Variants in RANBP2 observed in about 807,000 individuals in gnomAD.
RANBP2 encodes the protein E3 SUMO-protein ligase RanBP2.
In RANBP2, 57 loss-of-function variants were observed where a neutral mutation model predicts 303.6. The ratio of observed to expected loss-of-function variants is 0.19; its 90% CI spans 0.15 to 0.23. RANBP2 has a LOEUF of 0.23. Ranked by LOEUF, RANBP2 falls within the 10% of genes least tolerant of loss-of-function variation. The pLI, the probability that RANBP2 is intolerant of heterozygous loss-of-function variation, is 1.00. For missense variants in RANBP2, 3,138 were observed against 3,780.8 expected (o/e 0.83, Z 4.46); for synonymous variants, 1,167 against 1,301.5 (o/e 0.90, Z 2.23).
At chr2:108,743,851 A>G (rs549767934) in intron 7 of RANBP2, among the ~76,000 whole-genome samples, 2 of 152,184 alleles carry the variant, frequency 1.3e-5, no homozygotes, top group Non-Finnish European at 2.9e-5. Flanking sequence ...ATTAACTACC[A>G]CATATTTCTG....
At chr2:108,957,396 CT>C in the RANBP2 span, among the ~76,000 whole-genome samples, 1 of 152,258 alleles carries the variant, frequency 6.6e-6, no homozygotes, top group Non-Finnish European at 1.5e-5. Flanking sequence ...GTAATGACAT[CT>C]GTTTGGGCAT....
chr2:109,169,503 T>A, the RANBP2 span, among the ~76,000 whole-genome samples: 1 of 152,102 alleles, frequency 6.6e-6, no homozygotes, highest in Non-Finnish European at 1.5e-5. Context: ...ATCTCTGCTC[T>A]GTGCTCTCTT....
At chr2:108,743,670 G>A (rs1696292010) in intron 7 of RANBP2, among the ~76,000 whole-genome samples, 1 of 152,158 alleles carries the variant, frequency 6.6e-6, no homozygotes, top group Non-Finnish European at 1.5e-5. Context: ...GGAGTTTCTT[G>A]GGTGTTCAGA....
chr2:109,372,375 T>A, the RANBP2 span, among the ~76,000 whole-genome samples: 61 of 152,338 alleles, frequency 4.0e-4, no homozygotes, highest in Non-Finnish European at 6.5e-4. Flanking sequence ...CGTGTGTGTC[T>A]GCCATTTGTC....
intron 18 of RANBP2, among the ~76,000 whole-genome samples, chr2:108,759,490 CT>C (rs757251914): frequency 6.6e-6 from 1 of 150,918 alleles, no homozygotes; most frequent in Non-Finnish European, 1.5e-5. Flanking sequence ...TAGTAGTGCC[CT>C]TTTTTTTTCT....
At chr2:108,768,502 C>G (rs1290920115) in intron 20 of RANBP2, 114 bp downstream of exon 20, 6 of 1,573,392 alleles carry the variant, frequency 3.8e-6, no homozygotes, top group Non-Finnish European at 5.1e-6. Flanking sequence ...TTTGTGAACA[C>G]CCCCAAAATA....
the RANBP2 span, among the ~76,000 whole-genome samples, chr2:109,030,022 G>A: frequency 2.0e-5 from 3 of 152,186 alleles, no homozygotes; most frequent in African/African-American, 4.8e-5. Context: ...GTGCCAGTTC[G>A]AGTGTGTGGG....
At chr2:109,318,070 T>C in the RANBP2 span, among the ~76,000 whole-genome samples, 1 of 147,458 alleles carries the variant, frequency 6.8e-6, no homozygotes, top group South Asian at 2.1e-4. Flanking sequence ...TCTGTTTTTC[T>C]AAGCCATGAG....
chr2:109,199,587 TGGAA>T, the RANBP2 span, among the ~76,000 whole-genome samples: 1 of 978 alleles, frequency 1.0e-3, no homozygotes, highest in African/African-American at 3.1e-3. Context: ...TGGAATGGAA[TGGAA>T]TGGAATGGAA....
At chr2:109,418,304 A>C in the RANBP2 span, among the ~76,000 whole-genome samples, 1 of 151,946 alleles carries the variant, frequency 6.6e-6, no homozygotes, top group Non-Finnish European at 1.5e-5. Context: ...CCTCTAATGG[A>C]GTGTCCTGAG....
the RANBP2 span, among the ~76,000 whole-genome samples, chr2:109,659,182 G>T: frequency 6.6e-6 from 1 of 152,154 alleles, no homozygotes; most frequent in Non-Finnish European, 1.5e-5. Flanking sequence ...TTTGAGACCA[G>T]CATGGCCAAC....
the RANBP2 span, among the ~76,000 whole-genome samples, chr2:109,643,495 C>A: frequency 1.3e-5 from 2 of 152,226 alleles, no homozygotes; most frequent in Non-Finnish European, 2.9e-5. Flanking sequence ...CGCAGCGGCT[C>A]ACACCTGTAA....
the RANBP2 span, among the ~76,000 whole-genome samples, chr2:109,638,452 C>G: frequency 5.3e-5 from 8 of 152,296 alleles, no homozygotes; most frequent in East Asian, 1.5e-3. Flanking sequence ...TGTGTTTGGA[C>G]TGGTGTGGGG....
the RANBP2 span, among the ~76,000 whole-genome samples, chr2:109,145,856 C>A: frequency 5.3e-5 from 8 of 152,112 alleles, no homozygotes; most frequent in Admixed American, 1.3e-4. Flanking sequence ...AAAGGCAGGA[C>A]GGAGCCGCAG....
chr2:109,491,092 G>A, the RANBP2 span, among the ~76,000 whole-genome samples: 1 of 152,242 alleles, frequency 6.6e-6, no homozygotes, highest in African/African-American at 2.4e-5. Flanking sequence ...AGCTTGGGTG[G>A]TGAGTGCTGG....
chr2:109,620,664 TG>T, the RANBP2 span, among the ~76,000 whole-genome samples: 48 of 152,146 alleles, frequency 3.2e-4, no homozygotes, highest in East Asian at 8.3e-3. Flanking sequence ...ATTGTGCCAC[TG>T]CACTCCAGCC....
the RANBP2 span, chr2:109,545,529 G>C: frequency 3.9e-6 from 6 of 1,535,920 alleles, no homozygotes; most frequent in Non-Finnish European, 5.2e-6. Context: ...AGTTCGAATC[G>C]ACAGCCTGGT....
the RANBP2 span, among the ~76,000 whole-genome samples, chr2:109,002,554 C>T: frequency 6.6e-6 from 1 of 151,542 alleles, no homozygotes; most frequent in Admixed American, 6.6e-5. Context: ...GCCTTAATTA[C>T]CACACCTCAG....
At chr2:109,294,082 G>T in the RANBP2 span, among the ~76,000 whole-genome samples, 1 of 152,168 alleles carries the variant, frequency 6.6e-6, no homozygotes, top group Non-Finnish European at 1.5e-5. Context: ...CTTCTGACAT[G>T]TAAGATGGAG....
Sources: allele counts gnomAD v4.1 joint callset (sites outside exome capture counted in the v4.1 genomes callset), GRCh38; gene constraint gnomAD v4.1.1; transcripts MANE v1.5; gene names NCBI Gene and HGNC (gene_info 2026-07-23, HGNC 2026-07-21).